The following RBFOX1 variants were observed in gnomAD, a reference collection of about 807,000 sequenced individuals.
The protein encoded by RBFOX1 is RNA binding fox-1 homolog 1.
Under a neutral mutation model 57.7 loss-of-function variants are expected in RBFOX1, and 8 were observed. That is an observed-to-expected ratio of 0.14 (90% confidence interval 0.08 to 0.25). RBFOX1 has a LOEUF of 0.25. Ranked by LOEUF, RBFOX1 falls within the 10% of genes least tolerant of loss-of-function variation. The probability of loss-of-function intolerance (pLI) is 1.00; values close to 1 mark genes in which losing one functional copy is unlikely to be tolerated. For synonymous variants in RBFOX1, 326 were observed against 222.4 expected (o/e 1.47, Z -4.15); for missense variants, 611 against 548.5 (o/e 1.11, Z -1.14).
At chr16:6,750,584 C>A (rs556633880) in intron 3 of RBFOX1, among the ~76,000 whole-genome samples, 5 of 152,148 alleles carry the variant, frequency 3.3e-5, no homozygotes, top group Admixed American at 1.3e-4. Flanking sequence ...TAAAGGCATG[C>A]CTTGTTCATC....
intron 1 of RBFOX1, among the ~76,000 whole-genome samples, chr16:5,381,233 A>T (rs998295431): frequency 1.3e-5 from 2 of 152,244 alleles, no homozygotes; most frequent in African/African-American, 4.8e-5. Context: ...GGCAGACCCT[A>T]TGCCCTTGGG....
chr16:5,464,922 T>C (rs949694481), intron 1 of RBFOX1, among the ~76,000 whole-genome samples: 1 of 152,126 alleles, frequency 6.6e-6, no homozygotes, highest in Non-Finnish European at 1.5e-5. Flanking sequence ...CAGACCCTGG[T>C]CTGCAGGCAC....
At chr16:5,493,137 G>T (rs2042888882) in intron 2 of RBFOX1, among the ~76,000 whole-genome samples, 2 of 152,242 alleles carry the variant, frequency 1.3e-5, no homozygotes, top group Non-Finnish European at 2.9e-5. Flanking sequence ...GAAAAAGTGT[G>T]TTGACACCTT....
At chr16:6,519,123 C>G (rs185723648) in intron 2 of RBFOX1, among the ~76,000 whole-genome samples, 104 of 152,046 alleles carry the variant, frequency 6.8e-4, no homozygotes, top group Non-Finnish European at 1.1e-3. Context: ...GAAAGCTTGA[C>G]TTGCCAAGCC....
At chr16:5,578,079 G>A (rs1236038415) in intron 2 of RBFOX1, among the ~76,000 whole-genome samples, 1 of 152,200 alleles carries the variant, frequency 6.6e-6, no homozygotes, top group Non-Finnish European at 1.5e-5. Context: ...ATCCTCCCGA[G>A]TAGCTGGGAC....
At chr16:6,855,818 C>T (rs1046381552) in intron 3 of RBFOX1, among the ~76,000 whole-genome samples, 8 of 150,714 alleles carry the variant, frequency 5.3e-5, no homozygotes, top group South Asian at 4.2e-4. Flanking sequence ...TCCCTTCCTT[C>T]CTCCTTCCCT....
intron 3 of RBFOX1, among the ~76,000 whole-genome samples, chr16:6,870,789 A>G (rs1267632231): frequency 6.6e-6 from 1 of 152,188 alleles, no homozygotes; most frequent in East Asian, 1.9e-4. Flanking sequence ...TTTCACTACT[A>G]GCAACTAATT....
At chr16:6,556,778 T>C (rs916201226) in intron 2 of RBFOX1, among the ~76,000 whole-genome samples, 3 of 152,012 alleles carry the variant, frequency 2.0e-5, no homozygotes, top group African/African-American at 7.2e-5. Flanking sequence ...GTAAATTTCT[T>C]ATGACTTAGA....
chr16:6,095,649 G>A (rs865928690), intron 1 of RBFOX1, among the ~76,000 whole-genome samples: 1 of 151,884 alleles, frequency 6.6e-6, no homozygotes, highest in African/African-American at 2.4e-5. Context: ...AGCCAGCACC[G>A]TGCTTTTTTA....
chr16:5,317,933 TC>T, intron 1 of RBFOX1, among the ~76,000 whole-genome samples: 1 of 152,238 alleles, frequency 6.6e-6, no homozygotes, highest in African/African-American at 2.4e-5. Context: ...ACTTCTCATT[TC>T]CCCTGTTCCT....
chr16:7,099,730 G>A (rs2062342014), intron 4 of RBFOX1, among the ~76,000 whole-genome samples: 1 of 152,144 alleles, frequency 6.6e-6, no homozygotes, highest in Non-Finnish European at 1.5e-5. Flanking sequence ...ACTTCAAGGA[G>A]GAAGGTGTTT....
At chr16:5,602,374 G>C (rs1282013162), downstream of RBFOX1, among the ~76,000 whole-genome samples, 1 of 152,200 alleles carries the variant, frequency 6.6e-6, no homozygotes, top group Non-Finnish European at 1.5e-5. Flanking sequence ...GATTGTAGTA[G>C]CACAAATAAT....
chr16:6,230,151 C>G (rs534745713), intron 1 of RBFOX1, among the ~76,000 whole-genome samples: 2 of 151,984 alleles, frequency 1.3e-5, no homozygotes, highest in South Asian at 4.2e-4. Flanking sequence ...ATAGCTTTTC[C>G]CTTTGCAAAA....
At chr16:5,856,176 T>C (rs1180398239) in intron 3 of RBFOX1, among the ~76,000 whole-genome samples, 1 of 64,288 alleles carries the variant, frequency 1.6e-5, no homozygotes, top group East Asian at 3.8e-4. Flanking sequence ...TCTCTCTCTC[T>C]CTCTCTCTCT....
chr16:6,121,257 C>T (rs1252809891), intron 1 of RBFOX1, among the ~76,000 whole-genome samples: 1 of 152,130 alleles, frequency 6.6e-6, no homozygotes, highest in East Asian at 1.9e-4. Context: ...CTAGACTCTG[C>T]TTTGAGACAC....
chr16:6,417,117 T>A lies in RBFOX1; in HGVS notation c.-64+100060T>A, dbSNP rs112781701. Among the ~76,000 whole-genome samples the A allele has an allele frequency of 8.3e-4, 127 of 152,272 alleles. 1 individual carries two copies. The highest frequency in any genetic ancestry group is 3.0e-3 in the African/African-American group (124 of 41,576). ...TCCTCTGCCTCCCGGGTTCAAGCGA[T>A]TCTCCTGCCTCAGCCTCCCAAGTAG... On this transcript the variant is annotated intron_variant, in intron 2 of 15. Transcript: ENST00000550418.
At chr16:7,187,018 A>AAAG (rs1491323734) in intron 4 of RBFOX1, among the ~76,000 whole-genome samples, 4 of 134,202 alleles carry the variant, frequency 3.0e-5, no homozygotes, top group African/African-American at 8.7e-5. Context: ...AAAAAAAAAA[A>AAAG]TTCAGAAATT....
chr16:6,161,672 G>A (rs183787528), intron 1 of RBFOX1, among the ~76,000 whole-genome samples: 118 of 152,280 alleles, frequency 7.7e-4, no homozygotes, highest in Non-Finnish European at 1.3e-3. Flanking sequence ...TGAAAGAGCT[G>A]GAGCTGATTG....
intron 1 of RBFOX1, among the ~76,000 whole-genome samples, chr16:5,263,461 C>G (rs2062785136): frequency 6.6e-6 from 1 of 152,088 alleles, no homozygotes; most frequent in African/African-American, 2.4e-5. Flanking sequence ...CAGGGATAAT[C>G]AAGGTTTTTC....
Sources: allele counts gnomAD v4.1 joint callset (sites outside exome capture counted in the v4.1 genomes callset), GRCh38; gene constraint gnomAD v4.1.1; transcripts MANE v1.5; gene names NCBI Gene and HGNC (gene_info 2026-07-23, HGNC 2026-07-21).